CLIP1: variants seen among roughly 807,000 people sequenced by gnomAD.
The protein encoded by CLIP1 is CAP-Gly domain containing linker protein 1.
Under a neutral mutation model 161.6 loss-of-function variants are expected in CLIP1, and 66 were observed. That is an observed-to-expected ratio of 0.41 (90% CI 0.33 to 0.50). The LOEUF (loss-of-function observed/expected upper bound fraction) is 0.50, where lower values mean the gene tolerates loss of function less well. Ranked by LOEUF, CLIP1 falls within the 20% of genes least tolerant of loss-of-function variation. The pLI, the probability that CLIP1 is intolerant of heterozygous loss-of-function variation, is 0.27. For synonymous variants in CLIP1, 598 were observed against 626.2 expected (o/e 0.96, Z 0.67); for missense variants, 1,376 against 1,702.0 (o/e 0.81, Z 3.37).
At chr12:122,398,329 TGAG>T (rs1956007553) in intron 1 of CLIP1, among the ~76,000 whole-genome samples, 1 of 147,938 alleles carries the variant, frequency 6.8e-6, no homozygotes, top group African/African-American at 2.5e-5. Context: ...CTTGGGAGGC[TGAG>T]GAGAATAGCT....
At chr12:122,374,489 C>T (rs758830618) in intron 3 of CLIP1, among the ~76,000 whole-genome samples, 3 of 151,282 alleles carry the variant, frequency 2.0e-5, no homozygotes, top group South Asian at 2.1e-4. Flanking sequence ...AGCAGCCAGG[C>T]GCGGTGGCTC....
In CLIP1 at chr12:122,356,682, T is replaced by G. The variant is rs543201072; in HGVS notation, c.1006-1370A>C. Among the ~76,000 whole-genome samples the G allele has an allele frequency of 7.2e-5, 11 of 152,300 alleles. No homozygotes were observed. The East Asian group carries it at 2.1e-3, about 29-fold the overall frequency. On this transcript the variant is annotated intron_variant, in intron 5 of 25. Coordinates refer to ENST00000620786, the MANE Select transcript of CLIP1 (RefSeq NM_001247997.2). ...CTCTCTTTCCATGGTCTCCCTCTGA[T>G]GCCGAGCCGAAGCTGGACTGTACTG...
chr12:122,290,867 AT>A (rs548642014), intron 20 of CLIP1, among the ~76,000 whole-genome samples: 16 of 141,890 alleles, frequency 1.1e-4, no homozygotes, highest in African/African-American at 1.5e-4. Flanking sequence ...TCTTTTTTTT[AT>A]TTTTTTTTAT....
intron 20 of CLIP1, among the ~76,000 whole-genome samples, chr12:122,306,794 T>A (rs1950888965): frequency 6.6e-6 from 1 of 152,136 alleles, no homozygotes; most frequent in African/African-American, 2.4e-5. Context: ...CCAGTAGGGT[T>A]CAGAAGCCAT....
chr12:122,300,944 A>G (rs1398963075), intron 20 of CLIP1, among the ~76,000 whole-genome samples: 19 of 152,242 alleles, frequency 1.2e-4, no homozygotes, highest in Admixed American at 1.2e-3. Context: ...TCACTTATAT[A>G]GTCTTCCTAC....
At chr12:122,397,316 G>T (rs1460596244) in intron 1 of CLIP1, among the ~76,000 whole-genome samples, 2 of 104,982 alleles carry the variant, frequency 1.9e-5, no homozygotes, top group Admixed American at 2.0e-4. Context: ...AAAGATGGAA[G>T]AGTTCAGGCG....
At chr12:122,275,505 G>A (rs12811503) in intron 24 of CLIP1, 33,554 of 151,888 alleles carry the variant, frequency 0.22, 4,891 homozygotes, top group East Asian at 0.62. Context: ...CAGCTACTCA[G>A]GAGGCTGAGG....
Position 122,278,167 on chromosome 12 carries a change from G to A in CLIP1, c.3953C>T (p.Ala1318Val). Residue 1318 changes from alanine to valine, a missense_variant, in exon 24 of 26, where the codon GCC becomes GTC. By Grantham distance (64) the Ala-to-Val change is moderately conservative. This residue lies in a region of CLIP1 where 948 missense variants were observed against 1,134.8 expected (regional missense o/e 0.84). Coordinates refer to ENST00000620786, the MANE Select transcript of CLIP1 (RefSeq NM_001247997.2). ...TDTQADEDER[A>V]QESQIDFLNS... ...CAGGAACATTACCTGACTCTCCTGG[G>A]CTCTTTCATCCTCGTCTGCCTGAGT... 1 of 1,605,832 alleles carries A rather than the reference G, an allele frequency of 6.2e-7. No individual in the cohort carries two copies.
At chr12:122,275,632 A>ACACACACACT (rs2136196946) in intron 24 of CLIP1, 1 of 106,884 alleles carries the variant, frequency 9.4e-6, no homozygotes, top group East Asian at 3.6e-4. Flanking sequence ...AAATACACAC[A>ACACACACACT]CACACACACG....
intron 12 of CLIP1, 99 bp from the exon 13 acceptor site, chr12:122,334,804 T>C (rs531215047): frequency 1.3e-6 from 1 of 761,000 alleles, no homozygotes; most frequent in Non-Finnish European, 2.2e-6. Context: ...TACTTTTTGT[T>C]GCTGGTCTTG....
chr12:122,390,972 A>G (rs1955633265), intron 1 of CLIP1, among the ~76,000 whole-genome samples: 1 of 152,044 alleles, frequency 6.6e-6, no homozygotes, highest in Non-Finnish European at 1.5e-5. Context: ...CCATACAATC[A>G]CTTCTCTTCC....
intron 1 of CLIP1, chr12:122,395,348 G>A (rs975778451): frequency 6.6e-6 from 1 of 152,264 alleles, no homozygotes; most frequent in South Asian, 2.1e-4. Flanking sequence ...TCTATAAGAA[G>A]TTGAAGAAAA....
chr12:122,374,883 C>CAA (rs1954642448), intron 3 of CLIP1, among the ~76,000 whole-genome samples: 1 of 152,118 alleles, frequency 6.6e-6, no homozygotes, highest in Non-Finnish European at 1.5e-5. Flanking sequence ...AAAAAGCTGA[C>CAA]AAGTCACCTC....
chr12:122,345,062 AATAT>A (rs1952682432), intron 10 of CLIP1, among the ~76,000 whole-genome samples: 1 of 152,156 alleles, frequency 6.6e-6, no homozygotes, highest in Admixed American at 6.5e-5. Context: ...GTTTTAAAAA[AATAT>A]ATTACTTCAA....
chr12:122,383,720 A>C (rs2136874733), intron 1 of CLIP1, among the ~76,000 whole-genome samples: 1 of 152,324 alleles, frequency 6.6e-6, no homozygotes, highest in Non-Finnish European at 1.5e-5. Flanking sequence ...AAAAAAACAA[A>C]AGATCAAAGT....
In CLIP1 at chr12:122,328,002, T is replaced by A; in HGVS notation, c.3194A>T (p.Asn1065Ile). The A allele has an allele frequency of 6.2e-7, 1 of 1,614,172 alleles. No individual in the cohort carries two copies. Among genetic ancestry groups the A allele is most frequent in the Non-Finnish European group, 8.5e-7 (1 of 1,180,040 alleles). The change falls in exon 17 of 26, where the codon AAC (asparagine) becomes ATC (isoleucine). Residue 1065 changes from asparagine (N) to isoleucine (I), a missense_variant. Asn to Ile is a moderately radical substitution (Grantham distance 149). Transcript: ENST00000620786. Reference sequence around the variant, plus strand: ...CTCCAGCTCCTGCAGCAAGCCACTGTTCTCCTCCCGTGCGCCCTTCAGCTT... The same window carrying A: ...CTCCAGCTCCTGCAGCAAGCCACTGATCTCCTCCCGTGCGCCCTTCAGCTT... ...EDKLKGAREENSGLLQELEEL... is the reference protein window; with the variant it reads ...EDKLKGAREEISGLLQELEEL...
At chr12:122,324,937 A>G (rs1381514450) in intron 17 of CLIP1, among the ~76,000 whole-genome samples, 1 of 152,060 alleles carries the variant, frequency 6.6e-6, no homozygotes, top group Admixed American at 6.6e-5. Flanking sequence ...ACTACAGCCT[A>G]ATTTCTAGGC....
At chr12:122,310,368 C>G (rs146511555) in intron 19 of CLIP1, among the ~76,000 whole-genome samples, 61 of 152,306 alleles carry the variant, frequency 4.0e-4, no homozygotes, top group African/African-American at 1.4e-3. Context: ...CAGTATCTGT[C>G]AGAGTCAAGT....
chr12:122,390,172 GATATATATATATATAT>G (rs71082979), intron 1 of CLIP1, among the ~76,000 whole-genome samples: 1 of 93,536 alleles, frequency 1.1e-5, no homozygotes, highest in Non-Finnish European at 2.2e-5. Flanking sequence ...CACAGTCTCA[GATATATATATATATAT>G]ATATATATAA....
Sources: gnomAD v4.1 joint callset for allele counts (sites outside exome capture counted in the v4.1 genomes callset) on GRCh38, gnomAD v4.1.1 for gene constraint, gnomAD v4.1.1 regional missense constraint, MANE v1.5 for transcripts, NCBI Gene and HGNC (gene_info 2026-07-23, HGNC 2026-07-21) for gene names.